WAS: variants seen among roughly 807,000 people sequenced by gnomAD.
WAS encodes the protein WASP actin nucleation promoting factor, also known as actin nucleation-promoting factor WAS.
WAS carries 1 observed loss-of-function variant against 38.9 expected under a neutral mutation model. The ratio of observed to expected loss-of-function variants is 0.03; its 90% CI spans 0.01 to 0.12. The LOEUF is 0.12. WAS is among the 10% of genes least tolerant of loss of function. The probability of loss-of-function intolerance (pLI) is 1.00; values close to 1 mark genes in which losing one functional copy is unlikely to be tolerated. For synonymous variants in WAS, 182 were observed against 173.6 expected (o/e 1.05, Z -0.38); for missense variants, 311 against 431.2 (o/e 0.72, Z 2.47).
Position 48,684,014 on chromosome X carries a change from C to T in WAS, c.132+29C>T, listed in dbSNP as rs782484571. The T allele has an allele frequency of 1.4e-4, 168 of 1,205,944 alleles. 1 individual carries two copies. Among genetic ancestry groups the T allele is most frequent in the Middle Eastern group, 7.0e-4 (3 of 4,308 alleles). The stretch of plus-strand genomic sequence containing the variant: ...AGCTGGGGATCTCCTGCCCCCGCCC[C>T]GTCCCCACCGTTTCTTCCTCTTCCT... On this transcript the variant is annotated intron_variant, in intron 1 of 11. Transcript: ENST00000376701.
At chrX:48,690,998 C>G (rs1722267548) in intron 11 of WAS, 109 bp from the exon 12 acceptor site, 2 of 682,079 alleles carry the variant, frequency 2.9e-6, no homozygotes, top group Non-Finnish European at 4.7e-6. Context: ...CTAACTTGCC[C>G]TCCTCTAGCA....
upstream of WAS, among the ~76,000 whole-genome samples, chrX:48,681,551 C>T (rs2062400521): frequency 8.9e-6 from 1 of 112,727 alleles, no homozygotes; most frequent in Non-Finnish European, 1.9e-5. Flanking sequence ...TCTGGAACCA[C>T]TGAATCAAAT....
chrX:48,684,098 C>T (rs946153945), intron 1 of WAS, 113 bp downstream of exon 1: 30 of 1,104,834 alleles, frequency 2.7e-5, no homozygotes, highest in Middle Eastern at 2.9e-4. Context: ...ATCATCTCCT[C>T]TCCTAGAATT....
chrX:48,690,136 T>A (rs782666810), intron 11 of WAS, among the ~76,000 whole-genome samples: 62 of 111,866 alleles, frequency 5.5e-4, no homozygotes, highest in African/African-American at 1.7e-3. Flanking sequence ...TTTTAAAAAA[T>A]TTTTTTGAAA....
chrX:48,681,630 A>C (rs1215386217), upstream of WAS, among the ~76,000 whole-genome samples: 1 of 112,683 alleles, frequency 8.9e-6, no homozygotes, highest in Non-Finnish European at 1.9e-5. Flanking sequence ...CAAATGCTGG[A>C]GATACGCCTA....
rs1452635175 is a variant in WAS, at chrX:48,689,174, A to T, written c.1338+108A>T. ...AGGACTGAGGAGAGTGCCAGGCCTT[A>T]GGGATTCAGTGATAGGGTTGAAAGG... On this transcript the variant is annotated intron_variant, in intron 10 of 11. Transcript: ENST00000376701. 1.1e-5 allele frequency: 11 copies of T among 985,370 alleles called. No individual in the cohort carries two copies. The African/African-American group carries it at 1.9e-4, about 17-fold the overall frequency. The allele number at this position is 985,370 out of a possible 1,213,427, so 81.2% of individuals were successfully genotyped here.
intron 1 of WAS, among the ~76,000 whole-genome samples, chrX:48,678,226 A>T (rs1321744290): frequency 8.9e-6 from 1 of 112,168 alleles, no homozygotes; most frequent in Admixed American, 9.4e-5. Context: ...AGCAACCCTC[A>T]GTCAGGGATA....
At chrX:48,690,135 A>T (rs969522595) in intron 11 of WAS, among the ~76,000 whole-genome samples, 10 of 111,573 alleles carry the variant, frequency 9.0e-5, no homozygotes, top group African/African-American at 2.9e-4. Flanking sequence ...CTTTTAAAAA[A>T]TTTTTTTGAA....
At chrX:48,688,177 G>C (rs1557006983) in intron 8 of WAS, 81 bp downstream of exon 8, 25 of 1,146,499 alleles carry the variant, frequency 2.2e-5, no homozygotes, top group Non-Finnish European at 4.7e-6. Flanking sequence ...CCCACCCCCA[G>C]ATCGTGCCCT....
intron 1 of WAS, among the ~76,000 whole-genome samples, chrX:48,677,417 C>T (rs782236675): frequency 8.9e-6 from 1 of 111,733 alleles, no homozygotes; most frequent in African/African-American, 3.3e-5. Context: ...ATAGAAACGG[C>T]AACAGTAATG....
intron 11 of WAS, among the ~76,000 whole-genome samples, chrX:48,690,446 G>A (rs1036426079): frequency 8.9e-6 from 1 of 112,267 alleles, no homozygotes; most frequent in Non-Finnish European, 1.9e-5. Context: ...ACCAGGCCTG[G>A]CTGTTAACCT....
intron 2 of WAS, among the ~76,000 whole-genome samples, chrX:48,684,931 G>A (rs2062414461): frequency 9.0e-6 from 1 of 111,208 alleles, no homozygotes; most frequent in African/African-American, 3.3e-5. Flanking sequence ...AAATACCGAG[G>A]TAGTTCTTAA....
chrX:48,676,975 C>T, intron 1 of WAS, among the ~76,000 whole-genome samples: 1 of 112,573 alleles, frequency 8.9e-6, no homozygotes, highest in Non-Finnish European at 1.9e-5. Context: ...CACTCCTGGG[C>T]TCACAAAGAC....
In WAS at chrX:48,691,098, T is replaced by TC; in HGVS notation, c.1454-6dup. 8.3e-7 allele frequency: 1 copy of TC among 1,209,291 alleles called. No homozygotes were observed. Among genetic ancestry groups the TC allele is most frequent in the Non-Finnish European group, 1.1e-6 (1 of 894,205 alleles). On this transcript the variant is annotated splice_polypyrimidine_tract_variant and intron_variant, in intron 11 of 11. Coordinates refer to ENST00000376701, the MANE Select transcript of WAS (RefSeq NM_000377.3). ...TCCCAGGGCATCTTATCTTTCTCTT[T>TC]CCCTCCAGACGAAGGGGAGGACCAG...
Position 48,684,438 on chromosome X carries a change from C to T in WAS, c.273+15C>T, listed in dbSNP as rs1286865928. The stretch of plus-strand genomic sequence containing the variant: ...ACGGCCTTCAGGTGACCCCCCCACC[C>T]CCGACTGGACTTGCAAGCCAGTTCT... On this transcript the variant is annotated intron_variant, in intron 2 of 11. Coordinates refer to ENST00000376701, the MANE Select transcript of WAS (RefSeq NM_000377.3). 6.7e-6 allele frequency: 8 copies of T among 1,198,941 alleles called. No homozygotes were observed. Among genetic ancestry groups the T allele is most frequent in the Middle Eastern group, 4.6e-4 (2 of 4,359 alleles).
intron 11 of WAS, among the ~76,000 whole-genome samples, chrX:48,690,597 C>A (rs956991440): frequency 9.2e-6 from 1 of 108,894 alleles, no homozygotes; most frequent in Non-Finnish European, 1.9e-5. Flanking sequence ...TCTTTTGAGA[C>A]GGAGTCTTGC....
At chrX:48,682,297 G>GA (rs1298173195), upstream of WAS, among the ~76,000 whole-genome samples, 2 of 111,971 alleles carry the variant, frequency 1.8e-5, no homozygotes, top group Non-Finnish European at 1.9e-5. Flanking sequence ...TATGGCAGTG[G>GA]AAATAAATGA....
intron 2 of WAS, 90 bp from the exon 3 acceptor site, chrX:48,685,457 C>A: frequency 1.5e-6 from 1 of 686,763 alleles, no homozygotes; most frequent in Non-Finnish European, 2.3e-6. Context: ...CTCCCAAATC[C>A]AGACACCCTG....
At chrX:48,681,424 C>A (rs1296194280), upstream of WAS, among the ~76,000 whole-genome samples, 1 of 112,033 alleles carries the variant, frequency 8.9e-6, no homozygotes, top group African/African-American at 3.2e-5. Context: ...CTGCCTCGGC[C>A]TCCCAAAGTG....
Sources: gnomAD v4.1 joint callset for allele counts (sites outside exome capture counted in the v4.1 genomes callset) on GRCh38, gnomAD v4.1.1 for gene constraint, MANE v1.5 for transcripts, NCBI Gene and HGNC (gene_info 2026-07-23, HGNC 2026-07-21) for gene names.